The following CNTN6 variants were observed in gnomAD, a reference collection of about 807,000 sequenced individuals.
CNTN6 encodes the protein contactin 6, also known as contactin-6.
In CNTN6, 137 loss-of-function variants were observed where a neutral mutation model predicts 122.8. That is an observed-to-expected ratio of 1.12 (90% CI 0.97 to 1.29). The LOEUF (loss-of-function observed/expected upper bound fraction) is 1.29. Ranked by LOEUF, CNTN6 falls within the 50% of genes most tolerant of loss-of-function variation. The pLI is 0.00. For synonymous variants in CNTN6, 570 were observed against 426.0 expected (o/e 1.34, Z -4.16); for missense variants, 1,634 against 1,223.4 (o/e 1.34, Z -5.01).
At chr3:1,117,219 A>G (rs1257036556) in intron 1 of CNTN6, among the ~76,000 whole-genome samples, 2 of 152,164 alleles carry the variant, frequency 1.3e-5, no homozygotes, top group East Asian at 3.9e-4. Context: ...AATATAAATA[A>G]TTGCTTAAAA....
intron 1 of CNTN6, among the ~76,000 whole-genome samples, chr3:1,143,591 T>C (rs1455295616): frequency 1.3e-5 from 2 of 152,200 alleles, no homozygotes; most frequent in Non-Finnish European, 2.9e-5. Context: ...GATTCTGCTG[T>C]GAGTAAATAA....
chr3:1,387,775 C>T (rs1693282928), intron 20 of CNTN6, among the ~76,000 whole-genome samples: 2 of 149,596 alleles, frequency 1.3e-5, no homozygotes, highest in South Asian at 2.1e-4. Context: ...AGGGAGTTCC[C>T]TTTCCAAGTC....
chr3:1,390,818 A>C (rs547139851), intron 20 of CNTN6, among the ~76,000 whole-genome samples: 4,121 of 151,144 alleles, frequency 0.027, 71 homozygotes, highest in Non-Finnish European at 0.041. Flanking sequence ...GAAATGGATA[A>C]ATTCCTCGAC....
intron 4 of CNTN6, among the ~76,000 whole-genome samples, chr3:1,249,937 G>GT (rs1327637878): frequency 1.5e-4 from 23 of 151,810 alleles, no homozygotes; most frequent in African/African-American, 5.3e-4. Flanking sequence ...TTTCTGTTTT[G>GT]TTTTTTTGTT....
intron 2 of CNTN6, among the ~76,000 whole-genome samples, chr3:1,188,405 T>C (rs1213265979): frequency 6.6e-6 from 1 of 152,216 alleles, no homozygotes; most frequent in African/African-American, 2.4e-5. Flanking sequence ...GCAAGGACTT[T>C]AACTCTTTGG....
chr3:1,401,411 A>ATCTT, intron 20 of CNTN6, 22 bp from the exon 21 acceptor site: 3 of 1,582,494 alleles, frequency 1.9e-6, no homozygotes, highest in Non-Finnish European at 2.6e-6. Flanking sequence ...ATTCATTTGG[A>ATCTT]TCTTTGATTA....
rs758403146 is a variant in CNTN6, at chr3:1,158,375, G to A, written c.55+10312G>A. On this transcript the variant is annotated intron_variant, in intron 2 of 22. Transcript: ENST00000446702. ...CAAATCATTTGCCCATTTTTTAATC[G>A]CATTATTAGATTTTTCCCTATGGAG... Among the ~76,000 whole-genome samples the A allele has an allele frequency of 4.0e-5, 6 of 151,868 alleles. No homozygotes were observed. In the South Asian group the frequency reaches 6.2e-4, roughly 16 times the overall value.
intron 10 of CNTN6, among the ~76,000 whole-genome samples, chr3:1,328,334 C>T (rs553930880): frequency 1.1e-4 from 16 of 151,792 alleles, no homozygotes; most frequent in South Asian, 2.1e-4. Flanking sequence ...ATAAATGACG[C>T]GTTGATAGTT....
Position 1,321,654 on chromosome 3 carries a change from G to C in CNTN6, c.766G>C (p.Val256Leu). The C allele has an allele frequency of 6.2e-7, 1 of 1,610,578 alleles. No individual in the cohort carries two copies. Among genetic ancestry groups the C allele is most frequent in the Non-Finnish European group, 8.5e-7 (1 of 1,177,954 alleles). The change falls in exon 8 of 23, where the codon GTC (valine) becomes CTC (leucine). Residue 256 changes from valine (V) to leucine (L), a missense_variant. Coordinates refer to ENST00000446702, the MANE Select transcript of CNTN6 (RefSeq NM_001289080.2). ...TAATGAGGTGTAACTGTTTAGTCCA[G>C]TCCCCGATATTAGTTGGAGAAGGTT... is the stretch of plus-strand genomic sequence containing the variant. ...KLECFALGNPVPDISWRRLDG... is the reference protein window; with the variant it reads ...KLECFALGNPLPDISWRRLDG...
chr3:1,251,849 G>T (rs1029987176), intron 4 of CNTN6, among the ~76,000 whole-genome samples: 2 of 152,096 alleles, frequency 1.3e-5, no homozygotes, highest in African/African-American at 2.4e-5. Flanking sequence ...TATAATTTAT[G>T]TTATAAACTG....
chr3:1,361,210 C>T (rs947370421), intron 12 of CNTN6, among the ~76,000 whole-genome samples: 1 of 152,114 alleles, frequency 6.6e-6, no homozygotes, highest in Non-Finnish European at 1.5e-5. Context: ...CACCTTGACA[C>T]ACACAAGAAA....
intron 4 of CNTN6, among the ~76,000 whole-genome samples, chr3:1,262,847 A>C (rs1179791540): frequency 2.0e-5 from 3 of 152,080 alleles, no homozygotes; most frequent in Non-Finnish European, 2.9e-5. Context: ...TAGTACCCAC[A>C]TATATAGTAT....
rs2094550593 is a variant in CNTN6, at chr3:1,245,231, TATATACACACACACATATATATATAACA to T, written c.358+17239_358+17266del. Among the ~76,000 whole-genome samples the T allele has an allele frequency of 3.9e-4, 4 of 10,232 alleles. 1 individual carries two copies. Among genetic ancestry groups the T allele is most frequent in the African/African-American group, 8.3e-4 (2 of 2,404 alleles). 6.7% of individuals were successfully genotyped at this position (10,232 alleles called of 152,430 possible). On this transcript the variant is annotated intron_variant, in intron 4 of 22. Transcript: ENST00000446702. ...ATATATATATATATATATATATATA[TATATACACACACACATATATATATAACA>T]TATATATATATATATACACACACAT...
At chr3:1,230,154 T>C (rs577332520) in intron 4 of CNTN6, among the ~76,000 whole-genome samples, 1 of 152,164 alleles carries the variant, frequency 6.6e-6, no homozygotes, top group Non-Finnish European at 1.5e-5. Context: ...ACAATATCAA[T>C]TGTGATAGAA....
chr3:1,205,886 C>G (rs1030149180), intron 2 of CNTN6, among the ~76,000 whole-genome samples: 1 of 151,994 alleles, frequency 6.6e-6, no homozygotes, highest in African/African-American at 2.4e-5. Context: ...GTTACAAAAG[C>G]AAACAAGCAA....
intron 2 of CNTN6, among the ~76,000 whole-genome samples, chr3:1,156,318 T>C (rs958768109): frequency 1.3e-5 from 2 of 152,230 alleles, no homozygotes; most frequent in African/African-American, 2.4e-5. Context: ...ACCTTGATTC[T>C]GTGAAGAAGA....
At chr3:1,382,071 G>A (rs1691977226) in intron 17 of CNTN6, among the ~76,000 whole-genome samples, 2 of 151,736 alleles carry the variant, frequency 1.3e-5, no homozygotes, top group African/African-American at 4.8e-5. Flanking sequence ...TGTCCTGTCA[G>A]GTGTTGCCTT....
chr3:1,300,361 G>A (rs495059), intron 7 of CNTN6, among the ~76,000 whole-genome samples: 54,805 of 151,258 alleles, frequency 0.36, 12,615 homozygotes, highest in African/African-American at 0.66. Flanking sequence ...GAGGGGGTAT[G>A]AATTCTCATC....
intron 7 of CNTN6, among the ~76,000 whole-genome samples, chr3:1,300,786 T>C (rs998273105): frequency 6.6e-6 from 1 of 151,946 alleles, no homozygotes; most frequent in African/African-American, 2.4e-5. Flanking sequence ...TGTGCTACAT[T>C]CCCTTTCTCT....
Sources: allele counts gnomAD v4.1 joint callset (sites outside exome capture counted in the v4.1 genomes callset), GRCh38; gene constraint gnomAD v4.1.1; transcripts MANE v1.5; gene names NCBI Gene and HGNC (gene_info 2026-07-23, HGNC 2026-07-21).